Variants in TIE1 observed in about 807,000 individuals in gnomAD.
The protein encoded by TIE1 is tyrosine-protein kinase receptor Tie-1.
TIE1 carries 89 observed loss-of-function variants against 130.5 expected under a neutral mutation model. The ratio of observed to expected loss-of-function variants is 0.68; its 90% CI spans 0.57 to 0.81. The LOEUF is 0.81. Among genes scored for constraint, TIE1 ranks in the 40% least tolerant of loss-of-function variants. TIE1 has a pLI of 0.00. For missense variants in TIE1, 1,392 were observed against 1,559.8 expected (o/e 0.89, Z 1.81); for synonymous variants, 568 against 629.4 (o/e 0.90, Z 1.46).
rs1646812016 is a variant in TIE1, at chr1:43,312,689, A to C, written c.1927+88A>C. The C allele has an allele frequency of 6.9e-7, 1 of 1,449,418 alleles. No individual in the cohort carries two copies. The highest frequency in any genetic ancestry group is 9.3e-7 in the Non-Finnish European group (1 of 1,078,668). 89.8% of individuals were successfully genotyped at this position (1,449,418 alleles called of 1,614,324 possible). On this transcript the variant is annotated intron_variant, in intron 12 of 22. Transcript: ENST00000372476. This position sits in a 1 kb window ranked among gnomAD's most constrained non-coding sequence, Gnocchi z 5.6. ...AGACCTAGGAGACACGGGAGGCTGT[A>C]GGAGATTAATGGACATGGAGAGGAC...
chr1:43,321,038 A>C (rs1057158729), intron 19 of TIE1, among the ~76,000 whole-genome samples: 7 of 81,682 alleles, frequency 8.6e-5, no homozygotes, highest in East Asian at 2.2e-4. Context: ...GTCTCAAAAA[A>C]AAAAAAAAAA....
In TIE1 at chr1:43,309,688, C is replaced by T. The variant is rs576443618; in HGVS notation, c.1333+156C>T. ...GCGGGGTTGTGGTCAACCAGAGGTCCGGGCTGGGCAGTGTCAAGGCTGGAG... is the reference window on the plus strand; with the variant it reads ...GCGGGGTTGTGGTCAACCAGAGGTCTGGGCTGGGCAGTGTCAAGGCTGGAG... On this transcript the variant is annotated intron_variant, in intron 9 of 22. Transcript: ENST00000372476. This position sits in a 1 kb window ranked among gnomAD's most constrained non-coding sequence, Gnocchi z 6.3. Among the ~76,000 whole-genome samples the T allele has an allele frequency of 1.6e-4, 25 of 152,242 alleles. No individual in the cohort carries two copies. The highest frequency in any genetic ancestry group is 2.2e-4 in the Non-Finnish European group (15 of 68,004).
chr1:43,308,870 G>C, intron 7 of TIE1, 116 bp from the exon 8 acceptor site: 1 of 1,438,200 alleles, frequency 7.0e-7, no homozygotes, highest in Non-Finnish European at 9.8e-7. Flanking sequence ...CTGGTTTTCA[G>C]GCTGGAGGGA....
intron 3 of TIE1, among the ~76,000 whole-genome samples, chr1:43,305,760 G>C (rs1001959682): frequency 1.1e-4 from 17 of 152,360 alleles, no homozygotes; most frequent in African/African-American, 3.4e-4. Context: ...GTCCAGCCCA[G>C]ATCCTTGATG....
chr1:43,313,655 C>T lies in TIE1; in HGVS notation c.2219-123C>T. 1 of 1,182,102 alleles carries T rather than the reference C, an allele frequency of 8.5e-7. No homozygotes were observed. The highest frequency in any genetic ancestry group is 1.2e-6 in the Non-Finnish European group (1 of 858,116). 73.2% of individuals were successfully genotyped at this position (1,182,102 alleles called of 1,614,324 possible). ...CCCTCATCCCTTCCTTCATGTGGCC[C>T]AAGTGATTTCCTGACAGTCCTGGCA... is the stretch of plus-strand genomic sequence containing the variant. On this transcript the variant is annotated intron_variant, in intron 13 of 22. Transcript: ENST00000372476. This position sits in a 1 kb window ranked among gnomAD's most constrained non-coding sequence, Gnocchi z 6.2.
intron 1 of TIE1, among the ~76,000 whole-genome samples, chr1:43,303,626 C>T (rs1040567674): frequency 2.0e-5 from 3 of 152,216 alleles, no homozygotes; most frequent in Non-Finnish European, 2.9e-5. Context: ...GGCTCTCCAC[C>T]GTCCAGACTG....
chr1:43,313,180 C>A lies in TIE1; in HGVS notation c.1973C>A (p.Ser658Tyr). Residue 658 changes from serine (S) to tyrosine (Y), a missense_variant, in exon 13 of 23, where the codon TCC becomes TAC. Physicochemically the swap from Ser to Tyr is moderately radical, Grantham distance 144 (BLOSUM62 -2). This residue lies in a region of TIE1 where 551 missense variants were observed against 565.5 expected (regional missense o/e 0.97). Coordinates refer to ENST00000372476, the MANE Select transcript of TIE1 (RefSeq NM_005424.5). This position sits in a 1 kb window ranked among gnomAD's most constrained non-coding sequence, Gnocchi z 6.2. ...RHLHAQALSD[S>Y]EIQLTWKHPE... The stretch of plus-strand genomic sequence containing the variant: ...CTCCACGCCCAGGCCCTCTCAGACT[C>A]CGAGATCCAGCTGACATGGAAGCAC... 1 of 1,613,466 alleles carries A rather than the reference C, an allele frequency of 6.2e-7. No individual in the cohort carries two copies. Among genetic ancestry groups the A allele is most frequent in the Non-Finnish European group, 8.5e-7 (1 of 1,179,802 alleles).
intron 9 of TIE1, among the ~76,000 whole-genome samples, chr1:43,310,858 C>T (rs1473533808): frequency 6.6e-6 from 1 of 152,198 alleles, no homozygotes; most frequent in Non-Finnish European, 1.5e-5. Context: ...ACTCCCTCAG[C>T]TTACAGCGCG....
At chr1:43,321,347 T>C in intron 20 of TIE1, 38 bp downstream of exon 20, 1 of 1,613,824 alleles carries the variant, frequency 6.2e-7, no homozygotes, top group Non-Finnish European at 8.5e-7. Flanking sequence ...GTGCCCCACC[T>C]TACCCCACGT....
At position 43,317,300 on chromosome 1, in the gene TIE1, G is replaced by A. The variant is rs907565967; in HGVS notation, c.2511G>A (p.Glu837=). ...TGAGCTACCCAGTGCTAGAGTGGGA[G>A]GACATCACCTTTGAGGACCTCATCG... is the stretch of plus-strand genomic sequence containing the variant. ...EPLSYPVLEW[E]DITFEDLIGE... Residue 837 remains glutamate (E), a synonymous_variant, in exon 15 of 23, where the codon GAG becomes GAA. Transcript: ENST00000372476. The surrounding 1 kb of genome is among the most constrained non-coding windows in gnomAD (Gnocchi z 5.1). 1.2e-6 allele frequency: 2 copies of A among 1,614,210 alleles called. No homozygotes were observed. Among genetic ancestry groups the A allele is most frequent in the Non-Finnish European group, 1.7e-6 (2 of 1,180,040 alleles).
rs751560777 is a variant in TIE1, at chr1:43,305,015, G to A, written c.223G>A (p.Gly75Arg). Residue 75 changes from glycine to arginine, a missense_variant, in exon 2 of 23, where the codon GGG (glycine) becomes AGG (arginine). Gly to Arg is a moderately radical substitution (Grantham distance 125). This residue lies in a region of TIE1 where 415 missense variants were observed against 424.8 expected (regional missense o/e 0.98). Transcript: ENST00000372476. ...KDDRIVRTPP[G>R]PPLRLARNGS... ...CGACCGTATCGTGCGCACCCCGCCCGGGCCACCCCTGCGCCTGGCGCGCAA... is the reference window on the plus strand; with the variant it reads ...CGACCGTATCGTGCGCACCCCGCCCAGGCCACCCCTGCGCCTGGCGCGCAA... 18 of 1,557,868 alleles carry A rather than the reference G, an allele frequency of 1.2e-5. No homozygotes were observed. Among genetic ancestry groups the A allele is most frequent in the South Asian group, 9.6e-5 (8 of 83,298 alleles).
chr1:43,312,605 T>A lies in TIE1; in HGVS notation c.1927+4T>A. The A allele has an allele frequency of 6.3e-7, 1 of 1,591,286 alleles. No homozygotes were observed. The highest frequency in any genetic ancestry group is 8.6e-7 in the Non-Finnish European group (1 of 1,166,808). On this transcript the variant is annotated splice_donor_region_variant and intron_variant, in intron 12 of 22. Transcript: ENST00000372476. The surrounding 1 kb of genome is among the most constrained non-coding windows in gnomAD (Gnocchi z 5.6). ...CACGTGCTTCTGCCCCCCAGTGGTA[T>A]GTGCAAGGCGCAAGGATAGCTGGGG... is the stretch of plus-strand genomic sequence containing the variant.
intron 3 of TIE1, among the ~76,000 whole-genome samples, chr1:43,305,645 A>G (rs746578933): frequency 6.6e-6 from 1 of 152,218 alleles, no homozygotes; most frequent in Non-Finnish European, 1.5e-5. Flanking sequence ...AGGTGCTGTC[A>G]CATAGCCCAC....
chr1:43,309,477 C>G lies in TIE1; in HGVS notation c.1278C>G (p.Cys426Trp). Residue 426 changes from cysteine (C) to tryptophan (W), a missense_variant, in exon 9 of 23, where the codon TGC becomes TGG. Cys to Trp is a radical substitution (Grantham distance 215). Around this residue, in one of 6 missense-constraint regions of TIE1, gnomAD observed 551 missense variants for 565.5 expected, o/e 0.97. Coordinates refer to ENST00000372476, the MANE Select transcript of TIE1 (RefSeq NM_005424.5). This position sits in a 1 kb window ranked among gnomAD's most constrained non-coding sequence, Gnocchi z 6.3. ...LVLADSGFWE[C>W]RVSTSGGQDS... is the part of the protein sequence containing the mutation. The stretch of plus-strand genomic sequence containing the variant: ...TTGCGGACAGTGGGTTCTGGGAGTG[C>G]CGTGTGTCCACATCTGGCGGCCAAG... 6.2e-7 allele frequency: 1 copy of G among 1,610,474 alleles called. No individual in the cohort carries two copies. Among genetic ancestry groups the G allele is most frequent in the Non-Finnish European group, 8.5e-7 (1 of 1,178,548 alleles).
intron 14 of TIE1, 85 bp downstream of exon 14, chr1:43,314,053 T>TTGTGTGTGTG: frequency 6.4e-6 from 8 of 1,243,654 alleles, no homozygotes; most frequent in East Asian, 2.5e-5. Context: ...CTTGTACACC[T>TTGTGTGTGTG]TGTGTGTGTG....
Position 43,313,013 on chromosome 1 carries a change from G to A in TIE1, c.1928-122G>A. The A allele has an allele frequency of 8.5e-7, 1 of 1,175,202 alleles. No homozygotes were observed. The highest frequency in any genetic ancestry group is 1.5e-5 in the South Asian group (1 of 66,176). 72.8% of individuals were successfully genotyped at this position (1,175,202 alleles called of 1,614,324 possible). On this transcript the variant is annotated intron_variant, in intron 12 of 22. Coordinates refer to ENST00000372476, the MANE Select transcript of TIE1 (RefSeq NM_005424.5). This position sits in a 1 kb window ranked among gnomAD's most constrained non-coding sequence, Gnocchi z 6.2. Reference sequence around the variant, plus strand: ...CAGTCTGGTGGGGAGGAGGAAGTTGGCAGGGTGGCCCCTGTGCTTGGACCC... The same window carrying A: ...CAGTCTGGTGGGGAGGAGGAAGTTGACAGGGTGGCCCCTGTGCTTGGACCC...
chr1:43,301,467 G>A (rs7527092), intron 1 of TIE1, among the ~76,000 whole-genome samples: 74,947 of 149,782 alleles, frequency 0.5, 18,990 homozygotes, highest in East Asian at 0.72. Flanking sequence ...ATTGTGTTTA[G>A]ACTTTCGTCT....
chr1:43,306,472 A>G lies in TIE1; in HGVS notation c.485-368A>G, dbSNP rs1646729243. Among the ~76,000 whole-genome samples, 1 of 152,110 alleles carries G rather than the reference A, an allele frequency of 6.6e-6. No individual in the cohort carries two copies. The highest frequency in any genetic ancestry group is 2.4e-5 in the African/African-American group (1 of 41,404). The stretch of plus-strand genomic sequence containing the variant: ...AGGAGTTAGAGAGGAGTCTGTTGTA[A>G]AAAATCACCCTGGCTGCTGGGTGGA... On this transcript the variant is annotated intron_variant, in intron 3 of 22. Coordinates refer to ENST00000372476, the MANE Select transcript of TIE1 (RefSeq NM_005424.5). This position sits in a 1 kb window ranked among gnomAD's most constrained non-coding sequence, Gnocchi z 4.9.
At position 43,322,594 on chromosome 1, in the gene TIE1, C is replaced by G; in HGVS notation, c.3346-57C>G. Reference sequence around the variant, plus strand: ...CCCCCACCACATGGAAGTCCAGGAGCTTGAGGCCAGATGCACCCCCATTCC... The same window carrying G: ...CCCCCACCACATGGAAGTCCAGGAGGTTGAGGCCAGATGCACCCCCATTCC... On this transcript the variant is annotated intron_variant, in intron 22 of 22. Coordinates refer to ENST00000372476, the MANE Select transcript of TIE1 (RefSeq NM_005424.5). This position sits in a 1 kb window ranked among gnomAD's most constrained non-coding sequence, Gnocchi z 4.0. 6.9e-7 allele frequency: 1 copy of G among 1,442,428 alleles called. No homozygotes were observed. The highest frequency in any genetic ancestry group is 9.7e-7 in the Non-Finnish European group (1 of 1,026,234). 89.4% of individuals were successfully genotyped at this position (1,442,428 alleles called of 1,614,324 possible).
Sources: gnomAD v4.1 joint callset for allele counts (sites outside exome capture counted in the v4.1 genomes callset) on GRCh38, gnomAD v4.1.1 for gene constraint, gnomAD v4.1.1 regional missense constraint, Gnocchi (gnomAD v3.1) non-coding constraint, MANE v1.5 for transcripts, NCBI Gene and HGNC (gene_info 2026-07-23, HGNC 2026-07-21) for gene names.